PCSK5: variants seen among roughly 807,000 people sequenced by gnomAD.
PCSK5 encodes prohormone convertase 5.
A neutral mutation model predicts 233.2 loss-of-function variants in PCSK5; 129 were observed. The ratio of observed to expected loss-of-function variants is 0.55; its 90% CI spans 0.48 to 0.64. The LOEUF (loss-of-function observed/expected upper bound fraction) is 0.64, where lower values mean the gene tolerates loss of function less well. PCSK5 is among the 30% of genes least tolerant of loss of function. The pLI is 0.00. For missense variants in PCSK5, 2,076 were observed against 2,430.1 expected (o/e 0.85, Z 3.06); for synonymous variants, 825 against 879.2 (o/e 0.94, Z 1.09).
rs779590652 is a variant in PCSK5 at position 76,157,055 on chromosome 9, T to A, written c.1323T>A (p.Leu441=). The change falls in exon 11 of 38, where the codon CTT becomes CTA. Residue 441 remains leucine, a synonymous_variant. Coordinates refer to ENST00000674117, the MANE Select transcript of PCSK5 (RefSeq NM_001372043.1). ...TCTCGCTTTCCACAGTGAGCCATCT[T>A]TATGGATTTGGACTGATGGACGCAG... The part of the protein sequence containing the change: ...TNAAGFKVSH[L]YGFGLMDAEA... The A allele has an allele frequency of 6.2e-7, 1 of 1,612,578 alleles. No individual in the cohort carries two copies. The highest frequency in any genetic ancestry group is 1.7e-5 in the Admixed American group (1 of 60,004).
chr9:76,262,474 A>G (rs1025816059), intron 24 of PCSK5, among the ~76,000 whole-genome samples: 13 of 151,614 alleles, frequency 8.6e-5, no homozygotes, highest in African/African-American at 2.9e-4. Context: ...ATAATGCCAC[A>G]TATCTACAAC....
chr9:76,298,077 G>A (rs1828498501), intron 27 of PCSK5, among the ~76,000 whole-genome samples: 1 of 152,180 alleles, frequency 6.6e-6, no homozygotes, highest in African/African-American at 2.4e-5. Flanking sequence ...TTAAGAGGCA[G>A]TGCAAGCCAA....
intron 3 of PCSK5, among the ~76,000 whole-genome samples, chr9:75,995,260 C>T (rs990654220): frequency 6.6e-6 from 1 of 152,188 alleles, no homozygotes; most frequent in African/African-American, 2.4e-5. Flanking sequence ...CCATTAGATA[C>T]ATTCCATGGA....
intron 11 of PCSK5, among the ~76,000 whole-genome samples, chr9:76,157,628 C>T (rs1340089458): frequency 6.6e-6 from 1 of 151,854 alleles, no homozygotes; most frequent in Non-Finnish European, 1.5e-5. Context: ...CAGGGTTTGC[C>T]AACAGGATTC....
chr9:76,066,847 G>A (rs1474419183), intron 5 of PCSK5, among the ~76,000 whole-genome samples: 1 of 152,106 alleles, frequency 6.6e-6, no homozygotes, highest in Non-Finnish European at 1.5e-5. Context: ...AATGGATTTG[G>A]GGGCTTGAGT....
chr9:76,083,766 A>T (rs945729826), intron 7 of PCSK5, among the ~76,000 whole-genome samples: 1 of 152,272 alleles, frequency 6.6e-6, no homozygotes, highest in Non-Finnish European at 1.5e-5. Flanking sequence ...AAGTGAACAT[A>T]CACATATTTC....
chr9:76,208,854 T>C (rs569085680), intron 20 of PCSK5, among the ~76,000 whole-genome samples: 35 of 152,296 alleles, frequency 2.3e-4, no homozygotes, highest in African/African-American at 7.7e-4. Flanking sequence ...TATTTGAAAA[T>C]GTTTGCTTTC....
intron 7 of PCSK5, among the ~76,000 whole-genome samples, chr9:76,083,889 T>C (rs1218488860): frequency 6.6e-6 from 1 of 152,230 alleles, no homozygotes; most frequent in East Asian, 1.9e-4. Context: ...AGGGATATGT[T>C]TTTATCTGAT....
chr9:76,297,418 G>T (rs527836995), intron 27 of PCSK5, among the ~76,000 whole-genome samples: 4 of 152,274 alleles, frequency 2.6e-5, no homozygotes, highest in African/African-American at 9.6e-5. Flanking sequence ...GCTCTTCCCA[G>T]TTGCAGACAG....
intron 7 of PCSK5, among the ~76,000 whole-genome samples, chr9:76,082,927 G>A (rs1830903967): frequency 6.6e-6 from 1 of 152,018 alleles, no homozygotes; most frequent in Non-Finnish European, 1.5e-5. Flanking sequence ...TATTTTTTAA[G>A]ACCGGGCACG....
intron 20 of PCSK5, chr9:76,195,742 C>T (rs1487315390): frequency 6.6e-6 from 1 of 152,102 alleles, no homozygotes; most frequent in African/African-American, 2.4e-5. Flanking sequence ...AAATCCAAAT[C>T]CACTTTTACT....
intron 24 of PCSK5, among the ~76,000 whole-genome samples, chr9:76,242,148 T>C (rs1015085453): frequency 6.6e-6 from 1 of 152,212 alleles, no homozygotes; most frequent in African/African-American, 2.4e-5. Context: ...TACTTTGATA[T>C]TTGCATATGA....
At chr9:76,124,452 A>G (rs1832762563) in intron 9 of PCSK5, among the ~76,000 whole-genome samples, 2 of 152,088 alleles carry the variant, frequency 1.3e-5, no homozygotes, top group Non-Finnish European at 2.9e-5. Context: ...TTCCTTAAAA[A>G]TATGCAAGAA....
intron 2 of PCSK5, among the ~76,000 whole-genome samples, chr9:75,964,770 G>C (rs941389319): frequency 1.3e-5 from 2 of 152,184 alleles, no homozygotes; most frequent in Non-Finnish European, 2.9e-5. Flanking sequence ...AGTGCTCATT[G>C]CGTATCTACT....
chr9:76,282,611 C>A (rs963377290), intron 24 of PCSK5, among the ~76,000 whole-genome samples: 1 of 152,110 alleles, frequency 6.6e-6, no homozygotes, highest in Non-Finnish European at 1.5e-5. Flanking sequence ...AGCCACTGCA[C>A]CCATCTTATG....
intron 5 of PCSK5, among the ~76,000 whole-genome samples, chr9:76,058,349 C>T (rs1051766445): frequency 6.6e-6 from 1 of 152,132 alleles, no homozygotes; most frequent in African/African-American, 2.4e-5. Context: ...ACCAGAACCC[C>T]TGAGATACCA....
chr9:76,027,962 C>T (rs938146842), intron 5 of PCSK5, among the ~76,000 whole-genome samples: 1 of 152,096 alleles, frequency 6.6e-6, no homozygotes, highest in African/African-American at 2.4e-5. Flanking sequence ...AAAAATTTCT[C>T]AACTAGGTTT....
chr9:75,941,596 A>G (rs1217900815), intron 2 of PCSK5, among the ~76,000 whole-genome samples: 1 of 152,142 alleles, frequency 6.6e-6, no homozygotes, highest in Non-Finnish European at 1.5e-5. Context: ...CCATGTTTTC[A>G]CCAGCTATGA....
chr9:76,355,342 G>A (rs908925550), intron 37 of PCSK5, among the ~76,000 whole-genome samples: 18 of 152,060 alleles, frequency 1.2e-4, no homozygotes, highest in East Asian at 3.9e-4. Flanking sequence ...GCGTGGTGGC[G>A]GGCGCCTGTA....
Sources: gnomAD v4.1 joint callset for allele counts (sites outside exome capture counted in the v4.1 genomes callset) on GRCh38, gnomAD v4.1.1 for gene constraint, MANE v1.5 for transcripts, NCBI Gene and HGNC (gene_info 2026-07-23, HGNC 2026-07-21) for gene names.